The following ERC1 variants were observed in gnomAD, a reference collection of about 807,000 sequenced individuals.
ERC1 encodes the protein ELKS/RAB6-interacting/CAST family member 1.
ERC1 carries 56 observed loss-of-function variants against 132.0 expected under a neutral mutation model. The ratio of observed to expected loss-of-function variants is 0.42; its 90% confidence interval spans 0.34 to 0.53. The LOEUF (loss-of-function observed/expected upper bound fraction) is 0.53. Ranked by LOEUF, ERC1 falls within the 20% of genes least tolerant of loss-of-function variation. The probability of loss-of-function intolerance (pLI) is 0.03; values close to 1 mark genes in which losing one functional copy is unlikely to be tolerated. For missense variants in ERC1, 1,202 were observed against 1,349.9 expected (o/e 0.89, Z 1.72); for synonymous variants, 478 against 476.1 (o/e 1.00, Z -0.05).
rs1227299206 is a variant in ERC1 at position 1,130,040 on chromosome 12, A to G, written c.1570-11580A>G. Reference sequence around the variant, plus strand: ...TTGTCTGTTGCTTCTCCTTGTTGGTATAATGTTGCTAAATAATACAGCAGG... The same window carrying G: ...TTGTCTGTTGCTTCTCCTTGTTGGTGTAATGTTGCTAAATAATACAGCAGG... On this transcript the variant is annotated intron_variant, in intron 7 of 18. Transcript: ENST00000360905. 4.6e-5 allele frequency among the ~76,000 whole-genome samples: 7 copies of G among 152,358 alleles called. No homozygotes were observed. In the East Asian group the frequency reaches 1.2e-3, roughly 25 times the overall value.
At chr12:1,410,362 GC>G in intron 17 of ERC1, 1 of 1,198,708 alleles carries the variant, frequency 8.3e-7, no homozygotes, top group South Asian at 1.3e-5. Flanking sequence ...CTGGGGCATT[GC>G]CCCCTTGTCA....
chr12:1,143,741 C>A (rs1378351317), intron 8 of ERC1, among the ~76,000 whole-genome samples: 1 of 151,850 alleles, frequency 6.6e-6, no homozygotes. Context: ...GTATATCTTT[C>A]CATGAATTCA....
chr12:1,354,467 G>A (rs1283396719), intron 15 of ERC1, among the ~76,000 whole-genome samples: 1 of 151,896 alleles, frequency 6.6e-6, no homozygotes, highest in Non-Finnish European at 1.5e-5. Context: ...GGGTTTCAGT[G>A]AGCCGAGATT....
chr12:1,018,033 T>C (rs1965794582), intron 1 of ERC1, among the ~76,000 whole-genome samples: 1 of 152,246 alleles, frequency 6.6e-6, no homozygotes, highest in Non-Finnish European at 1.5e-5. Flanking sequence ...TTATGCCATC[T>C]TCTTGGAATT....
chr12:1,207,696 A>T (rs536412567), intron 12 of ERC1, among the ~76,000 whole-genome samples: 1 of 152,340 alleles, frequency 6.6e-6, no homozygotes, highest in East Asian at 1.9e-4. Context: ...GTTTTATGCT[A>T]TCATGCATTG....
rs530962962 is a variant in ERC1, at chr12:1,137,587, C to T, written c.1570-4033C>T. Among the ~76,000 whole-genome samples, 48 of 151,912 alleles carry T rather than the reference C, an allele frequency of 3.2e-4. No homozygotes were observed. The East Asian group carries it at 6.2e-3, about 20-fold the overall frequency. ...AATAGGGGCCAGGAGCGGTGGCTCA[C>T]GCCTGTAACCCCAGCACTTTGGGAG... On this transcript the variant is annotated intron_variant, in intron 7 of 18. Coordinates refer to ENST00000360905, the MANE Select transcript of ERC1 (RefSeq NM_178040.4).
intron 12 of ERC1, among the ~76,000 whole-genome samples, chr12:1,195,223 A>G (rs1452658822): frequency 6.6e-6 from 1 of 152,158 alleles, no homozygotes; most frequent in African/African-American, 2.4e-5. Flanking sequence ...TATATAGAAC[A>G]TTTCCTCATC....
chr12:1,099,835 ATTTTTTTTTTTTTTTTT>A lies in ERC1; in HGVS notation c.1087-4899_1087-4883del, dbSNP rs779732035. 7.0e-4 allele frequency among the ~76,000 whole-genome samples: 38 copies of A among 54,396 alleles called. No homozygotes were observed. The South Asian group carries it at 0.029, about 41-fold the overall frequency. The allele number at this position is 54,396 out of a possible 152,430, so 35.7% of individuals were successfully genotyped here. Reference sequence around the variant, plus strand: ...AAGGATGAGCCTGCTTGAGACTTTGATTTTTTTTTTTTTTTTTTTTTTTTTTTTTTTTGACAGAGTCT... The same window carrying A: ...AAGGATGAGCCTGCTTGAGACTTTGATTTTTTTTTTTTTTTGACAGAGTCT... On this transcript the variant is annotated intron_variant, in intron 3 of 18. Transcript: ENST00000360905.
At chr12:1,293,738 T>A (rs962045215) in intron 15 of ERC1, among the ~76,000 whole-genome samples, 11 of 147,426 alleles carry the variant, frequency 7.5e-5, no homozygotes, top group African/African-American at 3.0e-4. Flanking sequence ...GTTAACCAAA[T>A]TATATCCTAG....
At chr12:1,463,431 G>A (rs374760454) in intron 18 of ERC1, among the ~76,000 whole-genome samples, 1 of 152,282 alleles carries the variant, frequency 6.6e-6, no homozygotes, top group East Asian at 1.9e-4. Flanking sequence ...AAAGAAGAAT[G>A]GTTCTTTGTG....
intron 2 of ERC1, among the ~76,000 whole-genome samples, chr12:1,066,182 A>G (rs1294005232): frequency 6.6e-6 from 1 of 152,262 alleles, no homozygotes; most frequent in Non-Finnish European, 1.5e-5. Flanking sequence ...CTACACCTCA[A>G]TACATTATTT....
chr12:1,068,083 C>G (rs1209066625), intron 2 of ERC1, among the ~76,000 whole-genome samples: 6 of 151,862 alleles, frequency 4.0e-5, no homozygotes, highest in East Asian at 1.9e-4. Context: ...AGGCGCCCAC[C>G]ACCAAGCCCA....
intron 14 of ERC1, among the ~76,000 whole-genome samples, chr12:1,267,049 C>A (rs1468127604): frequency 6.6e-6 from 1 of 152,232 alleles, no homozygotes; most frequent in Non-Finnish European, 1.5e-5. Flanking sequence ...GATGCCTTTT[C>A]TTTATTCTCA....
At chr12:1,475,600 A>G (rs2093953961) in intron 18 of ERC1, among the ~76,000 whole-genome samples, 1 of 152,228 alleles carries the variant, frequency 6.6e-6, no homozygotes, top group Non-Finnish European at 1.5e-5. Flanking sequence ...AAGCAAAGAC[A>G]GGGAATGGCA....
intron 14 of ERC1, among the ~76,000 whole-genome samples, chr12:1,285,740 C>G (rs2078999014): frequency 6.6e-6 from 1 of 152,084 alleles, no homozygotes. Context: ...TTCAATCTTA[C>G]AGACACAATT....
chr12:1,170,664 A>G (rs1251797507), intron 8 of ERC1, among the ~76,000 whole-genome samples: 1 of 152,186 alleles, frequency 6.6e-6, no homozygotes, highest in Non-Finnish European at 1.5e-5. Context: ...ATAATTATCT[A>G]CCAGGCAGAT....
intron 7 of ERC1, among the ~76,000 whole-genome samples, chr12:1,121,102 G>T (rs1172650864): frequency 6.6e-6 from 1 of 152,160 alleles, no homozygotes; most frequent in African/African-American, 2.4e-5. Flanking sequence ...CATTTTCCCA[G>T]TTAATTCTTA....
chr12:1,225,927 A>G (rs1352925685), intron 12 of ERC1, among the ~76,000 whole-genome samples: 2 of 152,232 alleles, frequency 1.3e-5, no homozygotes, highest in Non-Finnish European at 2.9e-5. Flanking sequence ...TTTGAGAAAA[A>G]GCAATTTGAT....
At chr12:1,262,965 T>C in intron 13 of ERC1, 69 bp from the exon 14 acceptor site, 1 of 1,530,212 alleles carries the variant, frequency 6.5e-7, no homozygotes, top group Non-Finnish European at 8.9e-7. Flanking sequence ...AACAGCCCTT[T>C]CTTAATAAAT....
Sources: gnomAD v4.1 joint callset for allele counts (sites outside exome capture counted in the v4.1 genomes callset) on GRCh38, gnomAD v4.1.1 for gene constraint, MANE v1.5 for transcripts, NCBI Gene and HGNC (gene_info 2026-07-23, HGNC 2026-07-21) for gene names.